The following DDR1 variants were observed in gnomAD, a reference collection of about 807,000 sequenced individuals.
DDR1 encodes the protein epithelial discoidin domain-containing receptor 1.
Under a neutral mutation model 97.4 loss-of-function variants are expected in DDR1, and 64 were observed. That is an observed-to-expected ratio of 0.66 (90% CI 0.54 to 0.81). The LOEUF is 0.81. Ranked by LOEUF, DDR1 falls within the 30% of genes least tolerant of loss-of-function variation. DDR1 has a pLI of 0.00. For missense variants in DDR1, 990 were observed against 1,259.6 expected (o/e 0.79, Z 3.24); for synonymous variants, 458 against 503.7 (o/e 0.91, Z 1.21).
chr6:30,899,800 C>T lies in DDR1; in HGVS notation c.*504C>T, dbSNP rs1220049845. The T allele has an allele frequency of 2.7e-6, 1 of 369,496 alleles. No individual in the cohort carries two copies. The highest frequency in any genetic ancestry group is 2.1e-5 in the African/African-American group (1 of 48,440). 22.9% of individuals were successfully genotyped at this position (369,496 alleles called of 1,614,324 possible). Reference sequence around the variant, plus strand: ...CCTTGTGCCTGCTCCTGTACTTGTCCTCAGCTTGGGCTTCTTCCTCCTCCA... The same window carrying T: ...CCTTGTGCCTGCTCCTGTACTTGTCTTCAGCTTGGGCTTCTTCCTCCTCCA... On this transcript the variant is annotated 3_prime_UTR_variant, in exon 18 of 18. Transcript: ENST00000376568.
chr6:30,895,572 A>C lies in DDR1; in HGVS notation c.1624+58A>C, dbSNP rs1409048405. On this transcript the variant is annotated intron_variant, in intron 12 of 17. Coordinates refer to ENST00000376568, the MANE Select transcript of DDR1 (RefSeq NM_001297654.2). ...TCCCCATACCTCTACTGGGGCAGGG[A>C]AAAGCCCTCACACCTTGCACTTCCT... 2.7e-6 allele frequency: 3 copies of C among 1,126,192 alleles called. No individual in the cohort carries two copies. The East Asian group carries it at 7.5e-5, about 28-fold the overall frequency. The allele number at this position is 1,126,192 out of a possible 1,614,324, so 69.8% of individuals were successfully genotyped here. A position where few individuals can be genotyped will look rare whatever the true frequency, so the allele number is the denominator to read the frequency against.
chr6:30,899,985 G>A lies in DDR1; in HGVS notation c.*689G>A, dbSNP rs1792357294. On this transcript the variant is annotated 3_prime_UTR_variant, in exon 18 of 18. Transcript: ENST00000376568. ...AGAGGGAGCAACGGCCCATAGCCTT[G>A]GGGTTGGACATCTCTAGTGTAGCTG... 1.7e-6 allele frequency: 1 copy of A among 587,270 alleles called. No individual in the cohort carries two copies. The highest frequency in any genetic ancestry group is 3.3e-6 in the Non-Finnish European group (1 of 302,782). 36.4% of individuals were successfully genotyped at this position (587,270 alleles called of 1,614,324 possible). A position where few individuals can be genotyped will look rare whatever the true frequency, so the allele number is the denominator to read the frequency against.
chr6:30,897,014 G>A lies in DDR1; in HGVS notation c.1870G>A (p.Val624Met), dbSNP rs1791077780. 1 of 1,610,510 alleles carries A rather than the reference G, an allele frequency of 6.2e-7. No individual in the cohort carries two copies. Among genetic ancestry groups the A allele is most frequent in the South Asian group, 1.1e-5 (1 of 90,868 alleles). The change falls in exon 14 of 18, where the codon GTG (valine) becomes ATG (methionine). Residue 624 changes from valine to methionine, a missense_variant and splice_region_variant. Transcript: ENST00000376568. This position sits in a 1 kb window ranked among gnomAD's most constrained non-coding sequence, Gnocchi z 5.2. ...CTAGCAAACGAACTTCTTTCTCCAG[G>A]TGCACCTGTGTGAGGTCGACAGCCC... ...EKLGEGQFGE[V>M]HLCEVDSPQD...
At position 30,888,471 on chromosome 6, in the gene DDR1, A is replaced by G. The variant is rs1786707209; in HGVS notation, c.-42-217A>G. The G allele has an allele frequency of 2.0e-5, 12 of 588,860 alleles. No individual in the cohort carries two copies. The South Asian group carries it at 2.7e-4, about 13-fold the overall frequency. 36.5% of individuals were successfully genotyped at this position (588,860 alleles called of 1,614,324 possible). A position where few individuals can be genotyped will look rare whatever the true frequency, so the allele number is the denominator to read the frequency against. ...GATAGTAATAGTATCTACCTTATGAAGTGACTGTGAAGATAAAATTATGGA... is the reference window on the plus strand; with the variant it reads ...GATAGTAATAGTATCTACCTTATGAGGTGACTGTGAAGATAAAATTATGGA... On this transcript the variant is annotated intron_variant, in intron 1 of 17. Transcript: ENST00000376568. The surrounding 1 kb of genome is among the most constrained non-coding windows in gnomAD (Gnocchi z 4.2).
At chr6:30,882,817 G>C (rs1784509710), upstream of DDR1, 1 of 152,536 alleles carries the variant, frequency 6.6e-6, no homozygotes, top group Admixed American at 6.5e-5. This position sits in a 1 kb window ranked among gnomAD's most constrained non-coding sequence, Gnocchi z 4.8. Flanking sequence ...GCTGTAGCTT[G>C]CCTGGCAGGC....
chr6:30,888,159 G>T lies in DDR1; in HGVS notation c.-42-529G>T, dbSNP rs1173453713. Among the ~76,000 whole-genome samples, 2 of 151,968 alleles carry T rather than the reference G, an allele frequency of 1.3e-5. No individual in the cohort carries two copies. Among genetic ancestry groups the T allele is most frequent in the Admixed American group, 6.6e-5 (1 of 15,256 alleles). On this transcript the variant is annotated intron_variant, in intron 1 of 17. Transcript: ENST00000376568. The surrounding 1 kb of genome is among the most constrained non-coding windows in gnomAD (Gnocchi z 4.2). ...AATTTGACCATTAAAAAAAATGTTT[G>T]TTGGCAATTTGGCTTTGCTTTTCTG...
In DDR1 at chr6:30,896,780, C is replaced by A. The variant is rs974297420; in HGVS notation, c.1784C>A (p.Ala595Glu). The A allele has an allele frequency of 7.6e-6, 12 of 1,583,756 alleles. No homozygotes were observed. The highest frequency in any genetic ancestry group is 1.0e-5 in the Non-Finnish European group (12 of 1,163,464). ...TYAVPALPPG[A>E]VGDGPPRVDF... The stretch of plus-strand genomic sequence containing the variant: ...GCTGTGCCTGCACTGCCCCCAGGGG[C>A]AGTCGGGGATGGGCCCCCCAGAGTG... The change falls in exon 13 of 18, where the codon GCA becomes GAA. Residue 595 changes from alanine (A) to glutamate (E), a missense_variant. By Grantham distance (107) the Ala-to-Glu change is moderately radical (BLOSUM62 -1). Coordinates refer to ENST00000376568, the MANE Select transcript of DDR1 (RefSeq NM_001297654.2).
In DDR1 at chr6:30,888,715, G is replaced by C. The variant is rs768284797; in HGVS notation, c.-15G>C. 6 of 1,612,648 alleles carry C rather than the reference G, an allele frequency of 3.7e-6. No individual in the cohort carries two copies. Among genetic ancestry groups the C allele is most frequent in the South Asian group, 2.2e-5 (2 of 91,004 alleles). The stretch of plus-strand genomic sequence containing the variant: ...ATGCTGCCCCCACCCCCTTAGGCCC[G>C]AGGGATCAGGAGCTATGGGACCAGA... On this transcript the variant is annotated 5_prime_UTR_variant, in exon 2 of 18. Coordinates refer to ENST00000376568, the MANE Select transcript of DDR1 (RefSeq NM_001297654.2). This position sits in a 1 kb window ranked among gnomAD's most constrained non-coding sequence, Gnocchi z 4.2.
At chr6:30,898,787 G>C in intron 16 of DDR1, 101 bp from the exon 17 acceptor site, 2 of 1,324,246 alleles carry the variant, frequency 1.5e-6, no homozygotes, top group South Asian at 1.4e-5. Flanking sequence ...GATCAGGCCT[G>C]AGTGGAGCCC....
Position 30,888,917 on chromosome 6 carries a change from G to A in DDR1, c.95G>A (p.Arg32His), listed in dbSNP as rs1477583730. 6.2e-7 allele frequency: 1 copy of A among 1,612,996 alleles called. No individual in the cohort carries two copies. The highest frequency in any genetic ancestry group is 1.1e-5 in the South Asian group (1 of 91,078). The change falls in exon 3 of 18, where the codon CGC becomes CAC. Residue 32 changes from arginine (R) to histidine (H), a missense_variant. Transcript: ENST00000376568. The surrounding 1 kb of genome is among the most constrained non-coding windows in gnomAD (Gnocchi z 4.2). ...MKGHFDPAKC[R>H]YALGMQDRTI... ...CCTGCTTTTTACTCAGCCAAGTGCC[G>A]CTATGCCCTGGGCATGCAGGACCGG... is the stretch of plus-strand genomic sequence containing the variant.
chr6:30,895,300 A>T, intron 11 of DDR1, 104 bp from the exon 12 acceptor site: 1 of 770,476 alleles, frequency 1.3e-6, no homozygotes, highest in African/African-American at 1.8e-5. Context: ...CTCTTAATGC[A>T]ATCATCCCAT....
chr6:30,889,383 C>A lies in DDR1; in HGVS notation c.370C>A (p.Arg124=). Residue 124 remains arginine (R), a synonymous_variant, in exon 4 of 18, where the codon CGG becomes AGG. Coordinates refer to ENST00000376568, the MANE Select transcript of DDR1 (RefSeq NM_001297654.2). The surrounding 1 kb of genome is among the most constrained non-coding windows in gnomAD (Gnocchi z 4.9). Reference sequence around the variant, plus strand: ...CCGGAGCTACCGGCTGCGTTACTCCCGGGATGGTCGCCGCTGGATGGGCTG... The same window carrying A: ...CCGGAGCTACCGGCTGCGTTACTCCAGGGATGGTCGCCGCTGGATGGGCTG... ...FSRSYRLRYS[R]DGRRWMGWKD... The A allele has an allele frequency of 6.3e-7, 1 of 1,597,492 alleles. No individual in the cohort carries two copies. The highest frequency in any genetic ancestry group is 2.2e-5 in the East Asian group (1 of 44,690).
rs564101159 is a variant in DDR1, at chr6:30,895,113, A to C, written c.1514-291A>C. Among the ~76,000 whole-genome samples the C allele has an allele frequency of 3.9e-5, 6 of 151,976 alleles. No individual in the cohort carries two copies. The South Asian group carries it at 1.0e-3, about 26-fold the overall frequency. On this transcript the variant is annotated intron_variant, in intron 11 of 17. Transcript: ENST00000376568. Reference sequence around the variant, plus strand: ...TTCATCCATCCATCCACCCACCCATATCCATCATCCATCTATCCATCTATA... The same window carrying C: ...TTCATCCATCCATCCACCCACCCATCTCCATCATCCATCTATCCATCTATA...
At position 30,899,200 on chromosome 6, in the gene DDR1, G is replaced by A. The variant is rs2150483115; in HGVS notation, c.2646G>A (p.Glu882=). Residue 882 remains glutamate (E), a synonymous_variant, in exon 18 of 18, where the codon GAG becomes GAA. Transcript: ENST00000376568. ...CTGCCTGCCCGCAGGGCCTATATGA[G>A]CTGATGCTTCGGTGCTGGAGCCGGG... is the stretch of plus-strand genomic sequence containing the variant. The part of the protein sequence containing the change: ...RPPACPQGLY[E]LMLRCWSRES... The A allele has an allele frequency of 1.2e-6, 2 of 1,614,226 alleles. No homozygotes were observed. Among genetic ancestry groups the A allele is most frequent in the Middle Eastern group, 1.6e-4 (1 of 6,062 alleles).
In DDR1 at chr6:30,884,917, A is replaced by G. The variant is rs777683502; in HGVS notation, c.-43+207A>G. 4.8e-6 allele frequency: 2 copies of G among 414,622 alleles called. No individual in the cohort carries two copies. The highest frequency in any genetic ancestry group is 8.7e-6 in the Non-Finnish European group (2 of 231,214). 25.7% of individuals were successfully genotyped at this position (414,622 alleles called of 1,614,324 possible). A position where few individuals can be genotyped will look rare whatever the true frequency, so the allele number is the denominator to read the frequency against. ...CGGGGGCGGGGACTGGGTGGAGGTG[A>G]AGCCCGTGACCTCCCAGAAAGAGTT... On this transcript the variant is annotated intron_variant, in intron 1 of 17. Transcript: ENST00000376568. The surrounding 1 kb of genome is among the most constrained non-coding windows in gnomAD (Gnocchi z 6.1).
At position 30,891,103 on chromosome 6, in the gene DDR1, A is replaced by G. The variant is rs1004790110; in HGVS notation, c.548A>G (p.Tyr183Cys). Residue 183 changes from tyrosine to cysteine, a missense_variant, in exon 5 of 18, where the codon TAT becomes TGT. Transcript: ENST00000376568. This position sits in a 1 kb window ranked among gnomAD's most constrained non-coding sequence, Gnocchi z 5.3. ...AGCGTCTGTCTGCGGGTAGAGCTCT[A>G]TGGCTGCCTCTGGAGGGGTGAGTGG... is the stretch of plus-strand genomic sequence containing the variant. ...VMSVCLRVEL[Y>C]GCLWRDGLLS... 5 of 1,612,756 alleles carry G rather than the reference A, an allele frequency of 3.1e-6. No individual in the cohort carries two copies. Among genetic ancestry groups the G allele is most frequent in the East Asian group, 2.2e-5 (1 of 44,852 alleles).
chr6:30,892,420 TG>T lies in DDR1; in HGVS notation c.982del (p.Asp328ThrfsTer42). ...ATGCGCCACAACCTAGGGGGCAACCTGGGGGACCCCAGAGCCCGGGCTGTCT... is the reference window on the plus strand; with the variant it reads ...ATGCGCCACAACCTAGGGGGCAACCTGGGGACCCCAGAGCCCGGGCTGTCT... ...EPMRHNLGGN[L>X]GDPRARAVSV... On this transcript the variant is annotated frameshift_variant, in exon 8 of 18. Transcript: ENST00000376568. LOFTEE classifies it high-confidence loss of function. 1.2e-6 allele frequency: 2 copies of T among 1,605,378 alleles called. No homozygotes were observed.
In DDR1 at chr6:30,891,044, G is replaced by A. The variant is rs564497322; in HGVS notation, c.489G>A (p.Leu163=). The A allele has an allele frequency of 3.4e-5, 55 of 1,613,068 alleles. No homozygotes were observed. The South Asian group carries it at 5.9e-4, about 17-fold the overall frequency. ...KDLGPPMVAR[L]VRFYPRADRV... ...TTGGGCCCCCCATGGTTGCCCGACTGGTTCGCTTCTACCCCCGGGCTGACC... is the reference window on the plus strand; with the variant it reads ...TTGGGCCCCCCATGGTTGCCCGACTAGTTCGCTTCTACCCCCGGGCTGACC... The change falls in exon 5 of 18, where the codon CTG becomes CTA. Residue 163 remains leucine, a synonymous_variant. Transcript: ENST00000376568. This position sits in a 1 kb window ranked among gnomAD's most constrained non-coding sequence, Gnocchi z 5.3.
At chr6:30,882,512 G>A (rs992305906), upstream of DDR1, 6 of 152,336 alleles carry the variant, frequency 3.9e-5, no homozygotes, top group African/African-American at 9.7e-5. The surrounding 1 kb of genome is among the most constrained non-coding windows in gnomAD (Gnocchi z 4.8). Flanking sequence ...CAGGCCCCTG[G>A]GAATCTCGGC....
Sources: allele counts gnomAD v4.1 joint callset (sites outside exome capture counted in the v4.1 genomes callset), GRCh38; gene constraint gnomAD v4.1.1; non-coding constraint Gnocchi (gnomAD v3.1); transcripts MANE v1.5; gene names NCBI Gene and HGNC (gene_info 2026-07-23, HGNC 2026-07-21).